The following RPH3A variants were observed in gnomAD, a reference collection of about 807,000 sequenced individuals.
RPH3A encodes rabphilin 3A, also known as rabphilin-3A.
Under a neutral mutation model 102.2 loss-of-function variants are expected in RPH3A, and 48 were observed. The ratio of observed to expected loss-of-function variants is 0.47; its 90% CI spans 0.37 to 0.60. The LOEUF (loss-of-function observed/expected upper bound fraction) is 0.60, where lower values mean the gene tolerates loss of function less well. Ranked by LOEUF, RPH3A falls within the 20% of genes least tolerant of loss-of-function variation. RPH3A has a pLI of 0.00. For missense variants in RPH3A, 781 were observed against 910.1 expected, an observed-to-expected ratio of 0.86 and a Z score of 1.83; for synonymous variants, 310 against 324.3, an observed-to-expected ratio of 0.96 and a Z score of 0.47.
chr12:112,658,917 C>T (rs1566246231), intron 1 of RPH3A, among the ~76,000 whole-genome samples: 1 of 152,146 alleles, frequency 6.6e-6, no homozygotes, highest in African/African-American at 2.4e-5. Flanking sequence ...GGAAAAGATG[C>T]TGATATTAAC....
At chr12:112,663,797 G>A (rs1433760454) in intron 1 of RPH3A, among the ~76,000 whole-genome samples, 2 of 152,098 alleles carry the variant, frequency 1.3e-5, no homozygotes, top group Non-Finnish European at 2.9e-5. Flanking sequence ...TTTTCCATGT[G>A]ATGAAAAATG....
intron 1 of RPH3A, among the ~76,000 whole-genome samples, chr12:112,660,713 T>G (rs2040043282): frequency 6.6e-6 from 1 of 152,098 alleles, no homozygotes; most frequent in Non-Finnish European, 1.5e-5. Flanking sequence ...ATCCCAAAAC[T>G]ATTTTTTAAA....
intron 1 of RPH3A, among the ~76,000 whole-genome samples, chr12:112,762,855 C>T (rs886151992): frequency 6.6e-6 from 1 of 152,164 alleles, no homozygotes; most frequent in African/African-American, 2.4e-5. Context: ...CTCACTGGAC[C>T]AGTTTTAGTC....
At chr12:112,659,853 C>T (rs1035660477) in intron 1 of RPH3A, among the ~76,000 whole-genome samples, 1 of 152,092 alleles carries the variant, frequency 6.6e-6, no homozygotes, top group Non-Finnish European at 1.5e-5. Flanking sequence ...CATCATTCTT[C>T]GGGTGCCCCT....
chr12:112,715,297 A>G (rs1485333774), intron 1 of RPH3A, among the ~76,000 whole-genome samples: 2 of 152,110 alleles, frequency 1.3e-5, no homozygotes, highest in South Asian at 2.1e-4. Flanking sequence ...CCTCCCTGAA[A>G]CCACTCCATA....
chr12:112,691,623 C>T (rs1592945851), intron 1 of RPH3A, among the ~76,000 whole-genome samples: 1 of 152,192 alleles, frequency 6.6e-6, no homozygotes, highest in South Asian at 2.1e-4. Context: ...ACACTATGTA[C>T]CTTTGGCCAA....
intron 20 of RPH3A, 52 bp from the exon 21 acceptor site, chr12:112,895,725 T>G (rs2043168838): frequency 3.8e-6 from 5 of 1,314,324 alleles, no homozygotes; most frequent in Non-Finnish European, 5.5e-6. Flanking sequence ...TACCTCCCAA[T>G]GCTGTGGGTT....
At position 112,764,959 on chromosome 12, in the gene RPH3A, T is replaced by G. The variant is rs73423008; in HGVS notation, c.-139-27184T>G. ...TTTCCTGGTTGGTGTCTGACTGATA[T>G]TAACTTGTTCCTCAAACTATTAGGA... On this transcript the variant is annotated intron_variant, in intron 1 of 21. Coordinates refer to the RPH3A transcript ENST00000543106. Among the ~76,000 whole-genome samples the G allele has an allele frequency of 2.3e-3, 345 of 152,316 alleles. 1 individual carries two copies. The highest frequency in any genetic ancestry group is 7.6e-3 in the African/African-American group (314 of 41,552).
At chr12:112,896,585 C>T in intron 21 of RPH3A, 65 bp from the exon 22 acceptor site, 4 of 1,588,186 alleles carry the variant, frequency 2.5e-6, no homozygotes, top group Admixed American at 3.5e-5. Flanking sequence ...TCCCCAACTA[C>T]ACATTTGGGT....
At chr12:112,712,758 C>T (rs1768983841) in intron 1 of RPH3A, among the ~76,000 whole-genome samples, 1 of 152,020 alleles carries the variant, frequency 6.6e-6, no homozygotes, top group Non-Finnish European at 1.5e-5. Context: ...GTTGCCCAGA[C>T]TGGAGTGCAG....
chr12:112,590,867 A>G (rs1471086971), intron 1 of RPH3A, among the ~76,000 whole-genome samples: 1 of 152,040 alleles, frequency 6.6e-6, no homozygotes, highest in Non-Finnish European at 1.5e-5. Context: ...GACTGCAATC[A>G]TAGCTCAACC....
intron 1 of RPH3A, among the ~76,000 whole-genome samples, chr12:112,610,644 A>G (rs986808938): frequency 2.9e-4 from 44 of 150,396 alleles, no homozygotes; most frequent in Non-Finnish European, 4.4e-4. Flanking sequence ...TTATTTATTT[A>G]TTTTTGAGAT....
rs143757610 is a variant in RPH3A, at chr12:112,870,040, G to A, written c.796+1G>A. On this transcript the variant is annotated splice_donor_variant, in intron 10 of 21. Coordinates refer to ENST00000389385, the MANE Select transcript of RPH3A (RefSeq NM_001143854.2). LOFTEE classifies it high-confidence loss of function. ...GGAGACTCCAGCCGGAGCCCAGCAGGTGAGCAAGATGGGCAAATCCAGAGA... is the reference window on the plus strand; with the variant it reads ...GGAGACTCCAGCCGGAGCCCAGCAGATGAGCAAGATGGGCAAATCCAGAGA... The A allele has an allele frequency of 8.7e-6, 14 of 1,609,984 alleles. No individual in the cohort carries two copies. Among genetic ancestry groups the A allele is most frequent in the African/African-American group, 1.3e-5 (1 of 74,664 alleles).
chr12:112,620,856 T>C (rs1039012856), intron 1 of RPH3A, among the ~76,000 whole-genome samples: 1 of 152,174 alleles, frequency 6.6e-6, no homozygotes, highest in Non-Finnish European at 1.5e-5. Flanking sequence ...CAACCAATCC[T>C]GTCTGCTCCA....
chr12:112,814,041 G>A (rs1412839395), intron 2 of RPH3A, among the ~76,000 whole-genome samples: 1 of 151,730 alleles, frequency 6.6e-6, no homozygotes, highest in Non-Finnish European at 1.5e-5. Context: ...AGTGGGGTGT[G>A]TGTGTGTGTG....
At chr12:112,883,269 C>T in intron 15 of RPH3A, 24 bp from the exon 16 acceptor site, 5 of 1,590,712 alleles carry the variant, frequency 3.1e-6, no homozygotes, top group Non-Finnish European at 4.3e-6. Context: ...GTAGGTGTCT[C>T]TGTCCATCTC....
intron 1 of RPH3A, among the ~76,000 whole-genome samples, chr12:112,775,979 G>T (rs969746097): frequency 6.6e-6 from 1 of 151,904 alleles, no homozygotes; most frequent in African/African-American, 2.4e-5. Context: ...AGAAGTCAGG[G>T]GTGAGGGAGA....
rs1230567578 is a variant in RPH3A, at chr12:112,700,197, G to A, written c.-139-91946G>A. ...CGATTCTCCTGCCTCAGCCTCCCAA[G>A]TAGCTGGGATTACAGGCATGCACAA... On this transcript the variant is annotated intron_variant, in intron 1 of 21. Transcript: ENST00000543106. Among the ~76,000 whole-genome samples, 3 of 151,986 alleles carry A rather than the reference G, an allele frequency of 2.0e-5. No homozygotes were observed. In the East Asian group the frequency reaches 5.8e-4, roughly 29 times the overall value.
intron 1 of RPH3A, among the ~76,000 whole-genome samples, chr12:112,605,333 C>T (rs1592903234): frequency 6.6e-6 from 1 of 152,180 alleles, no homozygotes; most frequent in Admixed American, 6.5e-5. Context: ...TGAGATTGCA[C>T]CACTGCATTC....
Sources: gnomAD v4.1 joint callset for allele counts (sites outside exome capture counted in the v4.1 genomes callset) on GRCh38, gnomAD v4.1.1 for gene constraint, MANE v1.5 for transcripts, NCBI Gene and HGNC (gene_info 2026-07-23, HGNC 2026-07-21) for gene names.